The following FBXW7 variants were observed in gnomAD, a reference collection of about 807,000 sequenced individuals.
FBXW7 encodes F-box/WD repeat-containing protein 7.
Under a neutral mutation model 86.3 loss-of-function variants are expected in FBXW7, and 11 were observed. The observed-to-expected ratio is 0.13, with a 90% CI of 0.08 to 0.21. The LOEUF is 0.21. Ranked by LOEUF, FBXW7 falls within the 10% of genes least tolerant of loss-of-function variation. The pLI, the probability that FBXW7 is intolerant of heterozygous loss-of-function variation, is 1.00. For synonymous variants in FBXW7, 313 were observed against 297.9 expected (o/e 1.05, Z -0.52); for missense variants, 488 against 847.4 (o/e 0.58, Z 5.27).
chr4:152,505,482 C>G (rs1287420621), intron 2 of FBXW7, among the ~76,000 whole-genome samples: 1 of 151,942 alleles, frequency 6.6e-6, no homozygotes, highest in African/African-American at 2.4e-5. Context: ...ATTTTCTTTC[C>G]TTATATCCTT....
chr4:152,508,820 A>C (rs758966622), intron 2 of FBXW7, among the ~76,000 whole-genome samples: 3 of 152,078 alleles, frequency 2.0e-5, no homozygotes, highest in South Asian at 2.1e-4. Context: ...ACTACTTATG[A>C]ATCACAAAGG....
intron 2 of FBXW7, among the ~76,000 whole-genome samples, chr4:152,503,301 C>G (rs752496462): frequency 2.6e-5 from 4 of 151,670 alleles, no homozygotes; most frequent in African/African-American, 9.7e-5. Context: ...GAGACAGTCT[C>G]GCTCTGTTGC....
chr4:152,332,548 C>A (rs971950244), intron 8 of FBXW7, 48 bp downstream of exon 8: 17 of 1,437,594 alleles, frequency 1.2e-5, no homozygotes, highest in African/African-American at 1.4e-5. Context: ...CAGAATCACT[C>A]TGCTTTTCAA....
At chr4:152,498,028 A>G (rs771965180) in intron 2 of FBXW7, among the ~76,000 whole-genome samples, 2 of 152,246 alleles carry the variant, frequency 1.3e-5, no homozygotes, top group African/African-American at 2.4e-5. Flanking sequence ...TAGGATAATG[A>G]GTACCTCCAA....
At chr4:152,428,002 G>A (rs1432721399) in intron 2 of FBXW7, among the ~76,000 whole-genome samples, 4 of 152,226 alleles carry the variant, frequency 2.6e-5, no homozygotes, top group African/African-American at 9.6e-5. Context: ...ACCTTTGAGA[G>A]GTTAGAGAAT....
chr4:152,481,054 T>C (rs1276331916), intron 2 of FBXW7, among the ~76,000 whole-genome samples: 1 of 152,166 alleles, frequency 6.6e-6, no homozygotes, highest in Non-Finnish European at 1.5e-5. Context: ...TGTAGTACTT[T>C]CCTAGCTAGA....
intron 6 of FBXW7, among the ~76,000 whole-genome samples, chr4:152,339,902 G>A (rs1730545166): frequency 7.5e-6 from 1 of 133,192 alleles, no homozygotes; most frequent in African/African-American, 2.9e-5. Context: ...CAGCCTAGGT[G>A]ACAGAGCGAG....
At chr4:152,455,081 TTAA>T (rs1251642102) in intron 2 of FBXW7, among the ~76,000 whole-genome samples, 2 of 152,102 alleles carry the variant, frequency 1.3e-5, no homozygotes, top group South Asian at 2.1e-4. Flanking sequence ...TAAAAAGACT[TTAA>T]TAATAATATC....
At chr4:152,489,703 T>C (rs941787506) in intron 2 of FBXW7, among the ~76,000 whole-genome samples, 14 of 152,056 alleles carry the variant, frequency 9.2e-5, no homozygotes, top group African/African-American at 2.9e-4. Context: ...AAATTAATCT[T>C]AAAATTTAGC....
rs940176377 is a variant in FBXW7 at position 152,535,884 on chromosome 4, G to A, written c.-970C>T. ...CCGCCGCTGCCGGCCGGGAAGGTGA[G>A]GGGGGGAAAGGAGTGCGGCCGCGGC... On this transcript the variant is annotated 5_prime_UTR_variant, in exon 1 of 14. Coordinates refer to ENST00000281708, the MANE Select transcript of FBXW7 (RefSeq NM_001349798.2). 1.2e-4 allele frequency: 45 copies of A among 369,370 alleles called. No homozygotes were observed. The highest frequency in any genetic ancestry group is 1.8e-4 in the Non-Finnish European group (37 of 207,180). The allele number at this position is 369,370 out of a possible 1,614,324, so 22.9% of individuals were successfully genotyped here.
intron 2 of FBXW7, among the ~76,000 whole-genome samples, chr4:152,474,675 T>C (rs1744239978): frequency 6.6e-6 from 1 of 152,170 alleles, no homozygotes; most frequent in African/African-American, 2.4e-5. Flanking sequence ...TTTCATCCCA[T>C]AACATTTTTT....
chr4:152,443,815 A>C (rs1351762486), intron 2 of FBXW7, among the ~76,000 whole-genome samples: 1 of 152,176 alleles, frequency 6.6e-6, no homozygotes, highest in Non-Finnish European at 1.5e-5. Flanking sequence ...AAAAAATTTT[A>C]ATGTTTTTCA....
intron 2 of FBXW7, among the ~76,000 whole-genome samples, chr4:152,474,514 T>C (rs1428736954): frequency 2.0e-5 from 3 of 152,202 alleles, no homozygotes; most frequent in African/African-American, 7.2e-5. Context: ...GGACAAAGCA[T>C]TAGAAATCAA....
At chr4:152,370,999 T>C (rs1299525393) in intron 4 of FBXW7, among the ~76,000 whole-genome samples, 1 of 151,612 alleles carries the variant, frequency 6.6e-6, no homozygotes, top group Non-Finnish European at 1.5e-5. Context: ...AAACACTATA[T>C]ATACAAATAA....
chr4:152,378,187 T>C (rs1042901852), intron 4 of FBXW7, among the ~76,000 whole-genome samples: 5 of 152,204 alleles, frequency 3.3e-5, no homozygotes, highest in African/African-American at 1.2e-4. Context: ...ACATAAGATG[T>C]GACAGTAACA....
chr4:152,332,604 T>G lies in FBXW7; in HGVS notation c.977A>C (p.Lys326Thr), dbSNP rs773325030. 1 of 1,601,440 alleles carries G rather than the reference T, an allele frequency of 6.2e-7. No individual in the cohort carries two copies. Among genetic ancestry groups the G allele is most frequent in the Admixed American group, 1.7e-5 (1 of 59,736 alleles). The change falls in exon 8 of 14, where the codon AAA becomes ACA. Residue 326 changes from lysine to threonine, a missense_variant. Lys to Thr is a moderately conservative substitution (Grantham distance 78). Transcript: ENST00000281708. ...GCAATTTTGAACCTTACCCTCTTCT[T>G]TGCATTTCTCTCTCCAGAGAAGGTT... ...EDNLLWREKC[K>T]EEGIDEPLHI... is the part of the protein sequence containing the mutation.
intron 4 of FBXW7, among the ~76,000 whole-genome samples, chr4:152,404,575 CTGT>C (rs896083245): frequency 2.2e-4 from 33 of 152,200 alleles, no homozygotes; most frequent in African/African-American, 6.7e-4. Context: ...TAAGCATTTC[CTGT>C]TATTAAATAT....
chr4:152,499,567 A>G (rs953348668), intron 2 of FBXW7, among the ~76,000 whole-genome samples: 8 of 152,056 alleles, frequency 5.3e-5, no homozygotes, highest in Non-Finnish European at 1.2e-4. Context: ...GAGACTTATC[A>G]GTTATTGCAC....
intron 2 of FBXW7, among the ~76,000 whole-genome samples, chr4:152,429,582 A>T (rs1320991016): frequency 6.6e-6 from 1 of 152,130 alleles, no homozygotes; most frequent in African/African-American, 2.4e-5. Flanking sequence ...AGTATGCTGG[A>T]AGCCATGCTG....
Sources: gnomAD v4.1 joint callset for allele counts (sites outside exome capture counted in the v4.1 genomes callset) on GRCh38, gnomAD v4.1.1 for gene constraint, MANE v1.5 for transcripts, NCBI Gene and HGNC (gene_info 2026-07-23, HGNC 2026-07-21) for gene names.